Variants in CLASP1 observed in about 807,000 individuals in gnomAD.
CLASP1 encodes the protein CLIP-associating protein 1.
A neutral mutation model predicts 192.3 loss-of-function variants in CLASP1; 38 were observed. The ratio of observed to expected loss-of-function variants is 0.20; its 90% CI spans 0.15 to 0.26. The LOEUF (loss-of-function observed/expected upper bound fraction) is 0.26, where lower values mean the gene tolerates loss of function less well. Ranked by LOEUF, CLASP1 falls within the 10% of genes least tolerant of loss-of-function variation. The pLI is 1.00. For synonymous variants in CLASP1, 691 were observed against 712.8 expected (o/e 0.97, Z 0.49); for missense variants, 1,433 against 1,932.5 (o/e 0.74, Z 4.85).
chr2:121,472,492 A>G (rs1313291945), intron 8 of CLASP1, among the ~76,000 whole-genome samples: 2 of 152,174 alleles, frequency 1.3e-5, no homozygotes, highest in East Asian at 1.9e-4. Flanking sequence ...AATCACCCCA[A>G]CTTTCTGCCT....
At chr2:121,530,868 A>C (rs1302187313) in intron 2 of CLASP1, 1 of 678,706 alleles carries the variant, frequency 1.5e-6, no homozygotes. Context: ...CAGCCCAGGG[A>C]CTTTCTATTA....
intron 2 of CLASP1, among the ~76,000 whole-genome samples, chr2:121,596,790 T>C (rs1220097935): frequency 6.6e-6 from 1 of 152,234 alleles, no homozygotes; most frequent in African/African-American, 2.4e-5. Context: ...TTCTTCTTTC[T>C]CCGCATGACA....
At chr2:121,448,874 G>T in intron 17 of CLASP1, 79 bp downstream of exon 17, 1 of 1,418,062 alleles carries the variant, frequency 7.1e-7, no homozygotes, top group South Asian at 1.3e-5. Context: ...TAAAAACATA[G>T]CTAGAATTTG....
At chr2:121,394,197 A>G (rs549787761) in intron 30 of CLASP1, among the ~76,000 whole-genome samples, 1 of 152,324 alleles carries the variant, frequency 6.6e-6, no homozygotes, top group South Asian at 2.1e-4. Flanking sequence ...AGTGATTTTC[A>G]AAAATGTAAT....
exon 40 of CLASP1, chr2:121,340,180 G>A (rs1305563197): frequency 6.6e-6 from 1 of 152,210 alleles, no homozygotes; most frequent in Non-Finnish European, 1.5e-5. Flanking sequence ...TAGGGACCTT[G>A]TCGGTGGAGT....
intron 6 of CLASP1, among the ~76,000 whole-genome samples, chr2:121,521,255 T>C (rs1198015082): frequency 6.6e-6 from 1 of 152,204 alleles, no homozygotes; most frequent in Non-Finnish European, 1.5e-5. Context: ...AAGACAAAAC[T>C]GAACTGGCCT....
intron 25 of CLASP1, among the ~76,000 whole-genome samples, chr2:121,405,590 G>A (rs1278841012): frequency 6.6e-6 from 1 of 152,200 alleles, no homozygotes; most frequent in Non-Finnish European, 1.5e-5. Context: ...TTACGTGGAT[G>A]AGACAGTTTG....
intron 2 of CLASP1, among the ~76,000 whole-genome samples, chr2:121,582,352 A>C (rs2061283258): frequency 6.7e-6 from 1 of 149,866 alleles, no homozygotes; most frequent in Admixed American, 6.7e-5. Context: ...AGGAGGAGAG[A>C]GAGAGAGAAA....
intron 19 of CLASP1, among the ~76,000 whole-genome samples, chr2:121,445,212 G>C (rs1008636263): frequency 1.3e-5 from 2 of 152,120 alleles, no homozygotes; most frequent in Non-Finnish European, 2.9e-5. Context: ...GGCAACCCAG[G>C]GTAGTGCCAC....
chr2:121,530,887 C>CT lies in CLASP1; in HGVS notation c.196-563dup. ...CCAGGGACTTTCTATTATAACCATCCTTTTCTTGGGGTTGCGCTACTGTCC... is the reference window on the plus strand; with the variant it reads ...CCAGGGACTTTCTATTATAACCATCCTTTTTCTTGGGGTTGCGCTACTGTCC... On this transcript the variant is annotated intron_variant, in intron 2 of 39. Transcript: ENST00000263710. 4.3e-6 allele frequency: 3 copies of CT among 692,978 alleles called. No individual in the cohort carries two copies. The East Asian group carries it at 8.1e-5, about 19-fold the overall frequency. 42.9% of individuals were successfully genotyped at this position (692,978 alleles called of 1,614,324 possible).
At chr2:121,583,985 G>A (rs1261528730) in intron 2 of CLASP1, among the ~76,000 whole-genome samples, 3 of 152,072 alleles carry the variant, frequency 2.0e-5, no homozygotes, top group African/African-American at 4.8e-5. Flanking sequence ...AGGACACAGC[G>A]TTTGTCCCTT....
intron 8 of CLASP1, among the ~76,000 whole-genome samples, chr2:121,472,251 C>G (rs565431116): frequency 6.6e-6 from 1 of 152,232 alleles, no homozygotes; most frequent in African/African-American, 2.4e-5. Context: ...TTCAATGGAC[C>G]AATTTCAATG....
At chr2:121,587,874 C>T (rs2061908080) in intron 2 of CLASP1, among the ~76,000 whole-genome samples, 1 of 146,404 alleles carries the variant, frequency 6.8e-6, no homozygotes, top group Non-Finnish European at 1.5e-5. Flanking sequence ...GATGAATAAA[C>T]CTAAGAGCTC....
At chr2:121,406,803 C>G (rs919759078) in intron 25 of CLASP1, among the ~76,000 whole-genome samples, 3 of 152,140 alleles carry the variant, frequency 2.0e-5, no homozygotes, top group Admixed American at 6.6e-5. Context: ...GTTGCCCAGG[C>G]TGGTCTCGAA....
chr2:121,400,248 CA>C (rs1344531302), intron 28 of CLASP1, among the ~76,000 whole-genome samples: 4 of 152,128 alleles, frequency 2.6e-5, no homozygotes, highest in African/African-American at 9.7e-5. Context: ...GCCTCACCGA[CA>C]GATGCAAGTA....
intron 26 of CLASP1, chr2:121,403,411 G>A (rs192210776): frequency 2.2e-6 from 1 of 456,658 alleles, no homozygotes; most frequent in East Asian, 6.9e-5. Context: ...CAATTCCTAC[G>A]AGGAAGCAAG....
chr2:121,387,010 C>A, intron 32 of CLASP1, 112 bp downstream of exon 33: 1 of 879,078 alleles, frequency 1.1e-6, no homozygotes, highest in Admixed American at 2.1e-5. Flanking sequence ...GTTCTTGATA[C>A]TCAATATTCT....
chr2:121,605,916 C>T (rs375455897), exon 2 of CLASP1: 1 of 1,610,376 alleles, frequency 6.2e-7, no homozygotes, highest in Non-Finnish European at 8.5e-7. Context: ...AAATCCAGAT[C>T]CAGCAAAAGC....
chr2:121,603,033 A>G (rs2063974191), intron 2 of CLASP1: 1 of 152,150 alleles, frequency 6.6e-6, no homozygotes, highest in Middle Eastern at 3.2e-3. Context: ...AGAATGGGAG[A>G]AGATATTTGC....
Sources: gnomAD v4.1 joint callset for allele counts (sites outside exome capture counted in the v4.1 genomes callset) on GRCh38, gnomAD v4.1.1 for gene constraint, MANE v1.5 for transcripts, NCBI Gene and HGNC (gene_info 2026-07-23, HGNC 2026-07-21) for gene names.